TENM2: variants seen among roughly 807,000 people sequenced by gnomAD.
TENM2 encodes the protein teneurin-2.
Under a neutral mutation model 245.2 loss-of-function variants are expected in TENM2, and 52 were observed. The ratio of observed to expected loss-of-function variants is 0.21; its 90% confidence interval spans 0.17 to 0.27. The LOEUF is 0.27. Among genes scored for constraint, TENM2 ranks in the 10% least tolerant of loss-of-function variants. The pLI, the probability that TENM2 is intolerant of heterozygous loss-of-function variation, is 1.00. For synonymous variants in TENM2, 1,363 were observed against 1,438.9 expected (o/e 0.95, Z 1.19); for missense variants, 3,046 against 3,666.8 (o/e 0.83, Z 4.37).
intron 2 of TENM2, among the ~76,000 whole-genome samples, chr5:167,799,700 A>G (rs1215771475): frequency 6.6e-6 from 1 of 152,192 alleles, no homozygotes; most frequent in Non-Finnish European, 1.5e-5. Context: ...GAGGGTCTTG[A>G]AACTGTGGCA....
intron 1 of TENM2, among the ~76,000 whole-genome samples, chr5:167,315,156 C>T (rs2127760997): frequency 6.6e-6 from 1 of 151,962 alleles, no homozygotes; most frequent in African/African-American, 2.4e-5. Context: ...AGTATTAATG[C>T]TTTTTTGGTT....
At chr5:167,943,684 CAG>C (rs1307842822) in intron 3 of TENM2, among the ~76,000 whole-genome samples, 3 of 152,118 alleles carry the variant, frequency 2.0e-5, no homozygotes, top group Admixed American at 1.3e-4. Flanking sequence ...GCTCACATAA[CAG>C]AAAGAGTATT....
At chr5:167,044,074 A>T in the TENM2 span, among the ~76,000 whole-genome samples, 3 of 151,858 alleles carry the variant, frequency 2.0e-5, no homozygotes, top group Non-Finnish European at 4.4e-5. Context: ...GGAAGGAAGG[A>T]AGGAAGGAAA....
the TENM2 span, among the ~76,000 whole-genome samples, chr5:167,140,978 A>G: frequency 6.6e-6 from 1 of 152,198 alleles, no homozygotes; most frequent in Non-Finnish European, 1.5e-5. Context: ...AGCATTTAAA[A>G]TAAATAAGCC....
chr5:167,405,012 A>T (rs533352565), intron 2 of TENM2, among the ~76,000 whole-genome samples: 50 of 152,244 alleles, frequency 3.3e-4, no homozygotes, highest in Admixed American at 2.8e-3. Context: ...TATTTTAGAC[A>T]TTTCATGTCA....
intron 2 of TENM2, among the ~76,000 whole-genome samples, chr5:167,820,734 G>A (rs767565131): frequency 1.2e-4 from 18 of 152,196 alleles, no homozygotes; most frequent in Non-Finnish European, 2.1e-4. Context: ...ATAGTGAAAA[G>A]CATCTTGCTA....
At chr5:168,226,164 A>G (rs1258637204) in exon 24 of TENM2, 1 of 1,613,534 alleles carries the variant, frequency 6.2e-7, no homozygotes, top group Admixed American at 1.7e-5. Context: ...GGAAATGGAG[A>G]AATCTATTAC....
chr5:167,566,037 T>C (rs1228269265), intron 2 of TENM2, among the ~76,000 whole-genome samples: 1 of 152,178 alleles, frequency 6.6e-6, no homozygotes, highest in Non-Finnish European at 1.5e-5. Flanking sequence ...ATCAGAAAGA[T>C]GTTTTTGCTT....
chr5:167,978,845 G>A (rs753422336), intron 4 of TENM2, among the ~76,000 whole-genome samples: 24 of 152,046 alleles, frequency 1.6e-4, no homozygotes, highest in African/African-American at 4.8e-4. Context: ...GAAAATAGCC[G>A]GAGGATCAGC....
At chr5:167,120,055 A>G in the TENM2 span, among the ~76,000 whole-genome samples, 1 of 152,260 alleles carries the variant, frequency 6.6e-6, no homozygotes, top group East Asian at 1.9e-4. Flanking sequence ...AGAACACTGA[A>G]CAGAGAGAAA....
chr5:167,485,392 TCA>T (rs371897861), intron 2 of TENM2, among the ~76,000 whole-genome samples: 124 of 152,320 alleles, frequency 8.1e-4, no homozygotes, highest in African/African-American at 2.9e-3. Flanking sequence ...TATTTTCAAA[TCA>T]CACAATTGTC....
At chr5:167,811,378 C>G (rs780753663) in intron 2 of TENM2, among the ~76,000 whole-genome samples, 20 of 151,934 alleles carry the variant, frequency 1.3e-4, no homozygotes, top group Admixed American at 2.6e-4. Context: ...CATGCACACT[C>G]CCTCCACTCT....
At chr5:168,216,946 T>C (rs1371734879) in intron 22 of TENM2, 24 bp downstream of exon 24, 2 of 1,612,450 alleles carry the variant, frequency 1.2e-6, no homozygotes, top group South Asian at 2.2e-5. Flanking sequence ...TTATTTCTCT[T>C]CACTAAGCAA....
At chr5:166,991,578 T>C in the TENM2 span, among the ~76,000 whole-genome samples, 2 of 152,164 alleles carry the variant, frequency 1.3e-5, no homozygotes, top group Non-Finnish European at 2.9e-5. Context: ...ACTTATTCCT[T>C]GATAAAGGAG....
At chr5:167,929,901 G>A (rs1217343596) in intron 3 of TENM2, among the ~76,000 whole-genome samples, 2 of 152,180 alleles carry the variant, frequency 1.3e-5, no homozygotes, top group Non-Finnish European at 2.9e-5. Context: ...AAGAGTTGTT[G>A]TGCCTCAGAT....
intron 7 of TENM2, among the ~76,000 whole-genome samples, chr5:168,071,447 ACTGTTTT>A (rs1354164913): frequency 6.6e-6 from 1 of 152,218 alleles, no homozygotes; most frequent in Non-Finnish European, 1.5e-5. Context: ...TATTTTCCAG[ACTGTTTT>A]CTGTTCACAT....
chr5:167,502,559 C>A (rs1246156193), intron 2 of TENM2, among the ~76,000 whole-genome samples: 1 of 152,144 alleles, frequency 6.6e-6, no homozygotes, highest in Admixed American at 6.6e-5. Context: ...TGAGCTCCTT[C>A]TAACTTATTT....
intron 1 of TENM2, among the ~76,000 whole-genome samples, chr5:167,372,344 T>C (rs942856088): frequency 1.3e-5 from 2 of 152,222 alleles, no homozygotes; most frequent in Admixed American, 6.5e-5. Context: ...GTTTGTTTTC[T>C]CATAAAAATA....
rs145882158 is a variant in TENM2 at position 168,160,213 on chromosome 5, T to C, written c.2423-2398T>C. Among the ~76,000 whole-genome samples, 672 of 152,334 alleles carry C rather than the reference T, an allele frequency of 4.4e-3. 7 individuals are homozygous for C. The highest frequency in any genetic ancestry group is 0.015 in the African/African-American group (642 of 41,580). Reference sequence around the variant, plus strand: ...CTCTTTTCCTTGAGAACCTGTGAAATGTCCCTTGGTCTTTTCCTACTGAGC... The same window carrying C: ...CTCTTTTCCTTGAGAACCTGTGAAACGTCCCTTGGTCTTTTCCTACTGAGC... On this transcript the variant is annotated intron_variant, in intron 12 of 28. Transcript: ENST00000518659.
Sources: allele counts gnomAD v4.1 joint callset (sites outside exome capture counted in the v4.1 genomes callset), GRCh38; gene constraint gnomAD v4.1.1; transcripts MANE v1.5; gene names NCBI Gene and HGNC (gene_info 2026-07-23, HGNC 2026-07-21).